MOV10L1: variants seen among roughly 807,000 people sequenced by gnomAD.
MOV10L1 encodes RNA helicase Mov10l1.
A neutral mutation model predicts 143.8 loss-of-function variants in MOV10L1; 110 were observed. That is an observed-to-expected ratio of 0.76 (90% CI 0.66 to 0.90). The LOEUF is 0.90. Among genes scored for constraint, MOV10L1 ranks in the 40% least tolerant of loss-of-function variants. MOV10L1 has a pLI of 0.00. For missense variants in MOV10L1, 1,406 were observed against 1,526.8 expected (o/e 0.92, Z 1.32); for synonymous variants, 593 against 581.1 (o/e 1.02, Z -0.29).
At chr22:50,132,892 C>T (rs6010184) in intron 13 of MOV10L1, among the ~76,000 whole-genome samples, 77 of 152,188 alleles carry the variant, frequency 5.1e-4, no homozygotes, top group African/African-American at 1.8e-3. Context: ...AATAATCAGC[C>T]GGGCGTGGTA....
intron 4 of MOV10L1, 129 bp from the exon 5 acceptor site, chr22:50,108,528 C>T (rs1412609441): frequency 5.1e-6 from 5 of 973,354 alleles, no homozygotes; most frequent in Admixed American, 2.0e-5. Context: ...TGGACCAGTG[C>T]TACGGGATGG....
At chr22:50,113,509 C>G in intron 5 of MOV10L1, 139 bp from the exon 6 acceptor site, 2 of 1,175,762 alleles carry the variant, frequency 1.7e-6, no homozygotes, top group Non-Finnish European at 2.4e-6. Context: ...TCCTTAGAAA[C>G]CTAAGTCTGT....
intron 20 of MOV10L1, among the ~76,000 whole-genome samples, chr22:50,150,384 A>C (rs905877918): frequency 2.4e-4 from 36 of 152,306 alleles, no homozygotes; most frequent in African/African-American, 8.2e-4. Flanking sequence ...GGCAAGAGGC[A>C]AGGGGCAGGT....
At chr22:50,153,609 G>A (rs566302574) in intron 22 of MOV10L1, among the ~76,000 whole-genome samples, 5 of 152,310 alleles carry the variant, frequency 3.3e-5, no homozygotes, top group Admixed American at 2.6e-4. Flanking sequence ...TGCTTCCCTC[G>A]AGGGTTGGAG....
intron 2 of MOV10L1, among the ~76,000 whole-genome samples, chr22:50,092,588 T>C (rs1484532614): frequency 1.3e-5 from 2 of 152,272 alleles, no homozygotes; most frequent in Non-Finnish European, 2.9e-5. Context: ...CAATGAGTTA[T>C]GATTGCACTA....
chr22:50,097,084 T>C (rs1486812090), intron 2 of MOV10L1, among the ~76,000 whole-genome samples: 1 of 152,142 alleles, frequency 6.6e-6, no homozygotes, highest in Non-Finnish European at 1.5e-5. Flanking sequence ...AGTTTTATAG[T>C]TTTTGCTTTT....
chr22:50,133,235 G>T (rs934422018), intron 13 of MOV10L1, among the ~76,000 whole-genome samples: 1 of 152,058 alleles, frequency 6.6e-6, no homozygotes, highest in Non-Finnish European at 1.5e-5. Flanking sequence ...GTGGGTGGTA[G>T]GTTCCGTAGT....
At position 50,150,871 on chromosome 22, in the gene MOV10L1, G is replaced by A. The variant is rs770771041; in HGVS notation, c.2864G>A (p.Gly955Asp). The A allele has an allele frequency of 1.9e-6, 3 of 1,614,068 alleles. No homozygotes were observed. Among genetic ancestry groups the A allele is most frequent in the Admixed American group, 3.3e-5 (2 of 60,002 alleles). Residue 955 changes from glycine (G) to aspartate (D), a missense_variant, in exon 21 of 27, where the codon GGT becomes GAT. Physicochemically the swap from Gly to Asp is moderately conservative, Grantham distance 94. This residue lies in a region of MOV10L1 where 1,233 missense variants were observed against 1,351.4 expected (regional missense o/e 0.91). Transcript: ENST00000262794. ...PAYQRDENAF[G>D]ACGAHNPLLV... ...TACCAGAGGGACGAAAATGCTTTCG[G>A]TGCTTGTGGCGCACATAATCCCCTG...
At chr22:50,109,193 T>C (rs1252411110) in intron 5 of MOV10L1, among the ~76,000 whole-genome samples, 2 of 152,020 alleles carry the variant, frequency 1.3e-5, no homozygotes, top group Non-Finnish European at 1.5e-5. Context: ...CCCATATAAG[T>C]ATATTTTGAA....
In MOV10L1 at chr22:50,161,396, T is replaced by G; in HGVS notation, c.3583T>G (p.Tyr1195Asp). The G allele has an allele frequency of 6.2e-7, 1 of 1,601,600 alleles. No homozygotes were observed. The highest frequency in any genetic ancestry group is 1.3e-5 in the African/African-American group (1 of 74,900). Residue 1195 changes from tyrosine (Y) to aspartate (D), a missense_variant, in exon 27 of 27, where the codon TAC becomes GAC. Tyr to Asp is a radical substitution (Grantham distance 160, BLOSUM62 -3). Transcript: ENST00000262794. ...TGGCGAGGGGGTGGCAGACCCCTCC[T>G]ACCCAGTGGTGCCAGAATCCACAGG... Reference protein sequence around the residue: ...NCGEGVADPSYPVVPESTGPE... With the variant: ...NCGEGVADPSDPVVPESTGPE...
In MOV10L1 at chr22:50,154,457, A is replaced by G. The variant is rs901294612; in HGVS notation, c.3066+1239A>G. ...GTGGCATGTGCCTTTGGTCCCGGCT[A>G]CTTGGGAGGCTGAGGCAGAAGGATT... On this transcript the variant is annotated intron_variant, in intron 22 of 26. Transcript: ENST00000262794. 2.0e-5 allele frequency among the ~76,000 whole-genome samples: 3 copies of G among 151,674 alleles called. No individual in the cohort carries two copies. The South Asian group carries it at 6.3e-4, about 32-fold the overall frequency.
chr22:50,124,499 T>A (rs1370803886), intron 10 of MOV10L1, among the ~76,000 whole-genome samples: 1 of 152,176 alleles, frequency 6.6e-6, no homozygotes, highest in Non-Finnish European at 1.5e-5. Flanking sequence ...TGGGGTTCAT[T>A]GGGATTCTTG....
intron 16 of MOV10L1, 76 bp downstream of exon 16, chr22:50,142,265 G>T (rs147783434): frequency 0.013 from 15,300 of 1,216,088 alleles, 284 homozygotes; most frequent in East Asian, 0.065. Flanking sequence ...TGAGGAGTGG[G>T]CTCTCATGCA....
chr22:50,134,654 C>T (rs1339637667), intron 15 of MOV10L1, 24 bp downstream of exon 15: 16 of 1,603,132 alleles, frequency 1.0e-5, no homozygotes, highest in Admixed American at 3.3e-5. Context: ...ATGTGGCTTT[C>T]TCTACACAGG....
At chr22:50,108,619 G>A (rs374342332) in intron 4 of MOV10L1, 38 bp from the exon 5 acceptor site, 1 of 1,608,754 alleles carries the variant, frequency 6.2e-7, no homozygotes, top group Non-Finnish European at 8.5e-7. Context: ...TCGTCATGCA[G>A]CATCTGCTTC....
intron 3 of MOV10L1, among the ~76,000 whole-genome samples, chr22:50,106,759 TGGCTCAATCTC>T (rs2061879170): frequency 6.7e-6 from 1 of 149,690 alleles, no homozygotes; most frequent in Admixed American, 6.8e-5. Context: ...TGGAGTGCAG[TGGCTCAATCTC>T]GGCTCACTGT....
Position 50,142,103 on chromosome 22 carries a change from A to C in MOV10L1, c.2093A>C (p.Gln698Pro). 1 of 1,611,858 alleles carries C rather than the reference A, an allele frequency of 6.2e-7. No homozygotes were observed. Among genetic ancestry groups the C allele is most frequent in the South Asian group, 1.1e-5 (1 of 90,598 alleles). The change falls in exon 16 of 27, where the codon CAA becomes CCA. Residue 698 changes from glutamine to proline, a missense_variant. Coordinates refer to ENST00000262794, the MANE Select transcript of MOV10L1 (RefSeq NM_018995.3). ...TAGAATAGGAAAACAATGACGGACC[A>C]AGCTGAGCATGGAACAGAGGAGAGG... ...SKKNRKTMTD[Q>P]AEHGTEERRV...
chr22:50,115,824 C>T (rs1381425485), intron 8 of MOV10L1, among the ~76,000 whole-genome samples: 1 of 152,242 alleles, frequency 6.6e-6, no homozygotes. Flanking sequence ...TCCGCATAGC[C>T]AAGCCCTGGG....
intron 3 of MOV10L1, among the ~76,000 whole-genome samples, chr22:50,105,413 T>C (rs1270210890): frequency 1.3e-5 from 2 of 152,182 alleles, no homozygotes; most frequent in African/African-American, 2.4e-5. Flanking sequence ...AGAAAGGGCT[T>C]CATCGAAAGA....
Sources: allele counts gnomAD v4.1 joint callset (sites outside exome capture counted in the v4.1 genomes callset), GRCh38; gene constraint gnomAD v4.1.1; regional missense constraint gnomAD v4.1.1; transcripts MANE v1.5; gene names NCBI Gene and HGNC (gene_info 2026-07-23, HGNC 2026-07-21).